The following MYOCD variants were observed in gnomAD, a reference collection of about 807,000 sequenced individuals.
MYOCD encodes the protein myocardin.
In MYOCD, 32 loss-of-function variants were observed where a neutral mutation model predicts 96.1. The ratio of observed to expected loss-of-function variants is 0.33; its 90% CI spans 0.25 to 0.45. The LOEUF (loss-of-function observed/expected upper bound fraction) is 0.45. Ranked by LOEUF, MYOCD falls within the 20% of genes least tolerant of loss-of-function variation. MYOCD has a pLI of 1.00. For missense variants in MYOCD, 1,133 were observed against 1,200.6 expected (o/e 0.94, Z 0.83); for synonymous variants, 469 against 469.0 (o/e 1.00, Z 0.00).
chr17:12,760,688 C>A lies in MYOCD; in HGVS notation c.2370C>A (p.Asp790Glu), dbSNP rs150477198. 4 of 1,613,776 alleles carry A rather than the reference C, an allele frequency of 2.5e-6. No homozygotes were observed. The African/African-American group carries it at 5.3e-5, about 22-fold the overall frequency. ...GTCAGCAGATGGATGAACTCCTGGA[C>A]GTGCTTATTGAAAGCGGAGGTAAGA... ...TRSQQMDELL[D>E]VLIESGEMPA... is the part of the protein sequence containing the mutation. Residue 790 changes from aspartate to glutamate, a missense_variant, in exon 13 of 14, where the codon GAC becomes GAA. Coordinates refer to ENST00000425538, the MANE Select transcript of MYOCD (RefSeq NM_001146312.3).
chr17:12,750,613 C>T (rs989461287), intron 9 of MYOCD, among the ~76,000 whole-genome samples: 4 of 152,028 alleles, frequency 2.6e-5, no homozygotes, highest in African/African-American at 2.4e-5. Context: ...TGCTTGAACC[C>T]GGGAGGTGGA....
chr17:12,751,674 A>G (rs1244261317), intron 9 of MYOCD, among the ~76,000 whole-genome samples: 1 of 152,136 alleles, frequency 6.6e-6, no homozygotes, highest in Non-Finnish European at 1.5e-5. Context: ...TATTTCCTCC[A>G]TTTCCCAGAA....
At chr17:12,690,299 T>C (rs1178849642) in intron 1 of MYOCD, among the ~76,000 whole-genome samples, 1 of 152,192 alleles carries the variant, frequency 6.6e-6, no homozygotes, top group Non-Finnish European at 1.5e-5. Context: ...TGAGATACCA[T>C]TGTTACTTAT....
intron 1 of MYOCD, among the ~76,000 whole-genome samples, chr17:12,692,157 T>C (rs2030482116): frequency 6.6e-6 from 1 of 152,244 alleles, no homozygotes; most frequent in African/African-American, 2.4e-5. Context: ...CCTTCAGTTT[T>C]CCCTTCATGT....
intron 1 of MYOCD, among the ~76,000 whole-genome samples, chr17:12,666,817 T>C (rs911960696): frequency 6.6e-6 from 1 of 152,200 alleles, no homozygotes; most frequent in Admixed American, 6.5e-5. Context: ...TATTTATAAA[T>C]AGAGAATTTC....
chr17:12,717,592 G>A (rs1411650212), intron 4 of MYOCD, among the ~76,000 whole-genome samples, 171 bp downstream of exon 4: 2 of 152,200 alleles, frequency 1.3e-5, no homozygotes. Flanking sequence ...AGATACCCAA[G>A]TTGGGAAGCC....
intron 5 of MYOCD, 64 bp from the exon 6 acceptor site, chr17:12,736,095 CAT>C (rs2032330921): frequency 7.4e-7 from 1 of 1,354,134 alleles, no homozygotes; most frequent in Non-Finnish European, 1.0e-6. Context: ...CACATCGAAG[CAT>C]TTCCAAAAAT....
At position 12,744,334 on chromosome 17, in the gene MYOCD, T is replaced by G; in HGVS notation, c.869T>G (p.Leu290Arg). 1 of 1,614,152 alleles carries G rather than the reference T, an allele frequency of 6.2e-7. No homozygotes were observed. The highest frequency in any genetic ancestry group is 2.2e-5 in the East Asian group (1 of 44,892). Reference protein sequence around the residue: ...PPMDSAYARLLQQQQLFLQLQ... With the variant: ...PPMDSAYARLRQQQQLFLQLQ... ...ATGGACTCAGCCTACGCTCGGCTGCTCCAGCAACAGCAGCTGTTCCTGCAG... is the reference window on the plus strand; with the variant it reads ...ATGGACTCAGCCTACGCTCGGCTGCGCCAGCAACAGCAGCTGTTCCTGCAG... Residue 290 changes from leucine (L) to arginine (R), a missense_variant, in exon 8 of 14, where the codon CTC (leucine) becomes CGC (arginine). Coordinates refer to ENST00000425538, the MANE Select transcript of MYOCD (RefSeq NM_001146312.3).
intron 2 of MYOCD, chr17:12,710,482 A>ATTT: frequency 1.0e-6 from 1 of 976,056 alleles, no homozygotes; most frequent in Non-Finnish European, 1.2e-6. Flanking sequence ...TGCTGCCTTT[A>ATTT]TTTTTTTTGC....
Position 12,733,011 on chromosome 17 carries a change from A to C in MYOCD, c.416-3150A>C, listed in dbSNP as rs549395776. Among the ~76,000 whole-genome samples, 2 of 152,258 alleles carry C rather than the reference A, an allele frequency of 1.3e-5. 1 individual carries two copies. Among genetic ancestry groups the C allele is most frequent in the African/African-American group, 4.8e-5 (2 of 41,552 alleles). On this transcript the variant is annotated intron_variant, in intron 5 of 13. Coordinates refer to ENST00000425538, the MANE Select transcript of MYOCD (RefSeq NM_001146312.3). ...ATTCTGGAGACAGCCTTAGCATATGACCTATGTATACGAAGTAGGCTGGGC... is the reference window on the plus strand; with the variant it reads ...ATTCTGGAGACAGCCTTAGCATATGCCCTATGTATACGAAGTAGGCTGGGC...
At chr17:12,693,310 C>T (rs563785604) in intron 1 of MYOCD, among the ~76,000 whole-genome samples, 124 of 151,400 alleles carry the variant, frequency 8.2e-4, no homozygotes, top group Non-Finnish European at 1.5e-3. Context: ...AACAAACAAA[C>T]AAACAAAAAA....
Position 12,713,711 on chromosome 17 carries a change from G to A in MYOCD, c.122-1808G>A, listed in dbSNP as rs148622779. The stretch of plus-strand genomic sequence containing the variant: ...CATAATCTGGTTGCTTAGGGGGAAA[G>A]GGAGTTGCTTTGCAGAACTCCCTCG... On this transcript the variant is annotated intron_variant, in intron 2 of 13. Coordinates refer to ENST00000425538, the MANE Select transcript of MYOCD (RefSeq NM_001146312.3). Among the ~76,000 whole-genome samples, 214 of 152,214 alleles carry A rather than the reference G, an allele frequency of 1.4e-3. 2 individuals are homozygous for A. In the East Asian group the frequency reaches 0.017, roughly 12 times the overall value.
chr17:12,712,295 T>C (rs566087346), intron 2 of MYOCD, among the ~76,000 whole-genome samples: 6 of 152,308 alleles, frequency 3.9e-5, no homozygotes, highest in African/African-American at 1.2e-4. Context: ...TTAGTAGCAA[T>C]GGATCTGGTA....
chr17:12,684,397 T>A (rs919511157), intron 1 of MYOCD, among the ~76,000 whole-genome samples: 4 of 152,192 alleles, frequency 2.6e-5, no homozygotes, highest in African/African-American at 9.6e-5. Flanking sequence ...GCCCTCTTTT[T>A]CTGAATTCCT....
chr17:12,730,703 C>G (rs2032145532), intron 5 of MYOCD, among the ~76,000 whole-genome samples: 1 of 152,090 alleles, frequency 6.6e-6, no homozygotes, highest in Non-Finnish European at 1.5e-5. Flanking sequence ...CGACTTTCTC[C>G]CTTAGGACAC....
chr17:12,758,272 T>C, intron 12 of MYOCD, 59 bp downstream of exon 12: 2 of 1,609,102 alleles, frequency 1.2e-6, no homozygotes, highest in Non-Finnish European at 1.7e-6. Flanking sequence ...CAGACATTGT[T>C]TGATATGATT....
chr17:12,734,303 G>A (rs548111813), intron 5 of MYOCD, among the ~76,000 whole-genome samples: 2 of 152,154 alleles, frequency 1.3e-5, no homozygotes, highest in Admixed American at 1.3e-4. Flanking sequence ...CTGCTGGGCA[G>A]AGAAGACTGG....
Position 12,760,652 on chromosome 17 carries a change from A to G in MYOCD, c.2334A>G (p.Gln778=), listed in dbSNP as rs565167021. The G allele has an allele frequency of 1.6e-5, 26 of 1,613,874 alleles. No homozygotes were observed. The African/African-American group carries it at 2.0e-4, about 12-fold the overall frequency. The change falls in exon 13 of 14, where the codon CAA becomes CAG. Residue 778 remains glutamine (Q), a splice_region_variant and synonymous_variant. Coordinates refer to ENST00000425538, the MANE Select transcript of MYOCD (RefSeq NM_001146312.3). ...PPSYEDAVKQ[Q]MTRSQQMDEL... is the part of the protein sequence containing the mutation. Reference sequence around the variant, plus strand: ...CTCCTTTGGTTAATTTGTAATAGCAAATGACCCGGAGTCAGCAGATGGATG... The same window carrying G: ...CTCCTTTGGTTAATTTGTAATAGCAGATGACCCGGAGTCAGCAGATGGATG...
At position 12,751,218 on chromosome 17, in the gene MYOCD, C is replaced by T. The variant is rs79017996; in HGVS notation, c.1126-1196C>T. Among the ~76,000 whole-genome samples, 81 of 151,718 alleles carry T rather than the reference C, an allele frequency of 5.3e-4. 1 individual carries two copies. The East Asian group carries it at 0.015, about 28-fold the overall frequency. On this transcript the variant is annotated intron_variant, in intron 9 of 13. Transcript: ENST00000425538. ...TTTAGAACATACAGATAAGGAGAAC[C>T]GTTGTTAACATTTTAGCATATTTTT... is the stretch of plus-strand genomic sequence containing the variant.
Sources: gnomAD v4.1 joint callset for allele counts (sites outside exome capture counted in the v4.1 genomes callset) on GRCh38, gnomAD v4.1.1 for gene constraint, MANE v1.5 for transcripts, NCBI Gene and HGNC (gene_info 2026-07-23, HGNC 2026-07-21) for gene names.